The following CLDN10 variants were observed in gnomAD, a reference collection of about 807,000 sequenced individuals.
The protein encoded by CLDN10 is claudin 10, also known as claudin-10.
A neutral mutation model predicts 22.9 loss-of-function variants in CLDN10; 15 were observed. The observed-to-expected ratio is 0.65, with a 90% confidence interval of 0.44 to 1.01. CLDN10 has a LOEUF of 1.01. Ranked by LOEUF, CLDN10 falls within the 50% of genes least tolerant of loss-of-function variation. The pLI, the probability that CLDN10 is intolerant of heterozygous loss-of-function variation, is 0.00. For missense variants in CLDN10, 247 were observed against 287.8 expected (o/e 0.86, Z 1.03); for synonymous variants, 114 against 111.4 (o/e 1.02, Z -0.15).
At chr13:95,519,946 C>A (rs1401480145) in intron 1 of CLDN10, among the ~76,000 whole-genome samples, 1 of 152,212 alleles carries the variant, frequency 6.6e-6, no homozygotes, top group African/African-American at 2.4e-5. Context: ...GTATGAAAAT[C>A]TAAAGTGCAA....
chr13:95,468,857 T>C (rs1160591841), intron 1 of CLDN10, among the ~76,000 whole-genome samples: 1 of 152,210 alleles, frequency 6.6e-6, no homozygotes, highest in African/African-American at 2.4e-5. Flanking sequence ...ACATCATGTG[T>C]TCTTATTAAT....
intron 1 of CLDN10, among the ~76,000 whole-genome samples, chr13:95,536,666 C>T (rs1005368442): frequency 2.0e-5 from 3 of 152,144 alleles, no homozygotes; most frequent in Admixed American, 6.5e-5. Context: ...GCCATCTATG[C>T]GTTGCAGTTA....
chr13:95,548,012 G>T (rs1447292362), upstream of CLDN10, among the ~76,000 whole-genome samples: 1 of 152,204 alleles, frequency 6.6e-6, no homozygotes, highest in African/African-American at 2.4e-5. Context: ...TTTTGGAGTT[G>T]AAAGTGGTCT....
chr13:95,466,876 C>CTTTTTT (rs1312550565), intron 1 of CLDN10, among the ~76,000 whole-genome samples: 1 of 136,890 alleles, frequency 7.3e-6, no homozygotes. Context: ...ACCCCCTCTA[C>CTTTTTT]TTTTTTTTTT....
chr13:95,543,939 T>C (rs968730173), intron 1 of CLDN10, among the ~76,000 whole-genome samples: 89 of 152,246 alleles, frequency 5.8e-4, no homozygotes, highest in African/African-American at 2.0e-3. Context: ...GGATATGACA[T>C]TCCTTCTTCA....
At chr13:95,439,454 C>T (rs549844008) in intron 1 of CLDN10, among the ~76,000 whole-genome samples, 1 of 152,050 alleles carries the variant, frequency 6.6e-6, no homozygotes, top group South Asian at 2.1e-4. Flanking sequence ...CTGCTTCTGC[C>T]TCCCAAGTAG....
intron 1 of CLDN10, among the ~76,000 whole-genome samples, chr13:95,464,650 G>A (rs1594536880): frequency 6.6e-6 from 1 of 152,088 alleles, no homozygotes; most frequent in Admixed American, 6.6e-5. Flanking sequence ...TGATTTTTAT[G>A]GTCTTGGATG....
chr13:95,464,664 T>C (rs868757291), intron 1 of CLDN10, among the ~76,000 whole-genome samples: 27 of 152,170 alleles, frequency 1.8e-4, no homozygotes, highest in African/African-American at 6.3e-4. Context: ...TTGGATGTTG[T>C]TCATGATGAC....
chr13:95,549,584 T>C (rs2043543930), upstream of CLDN10, among the ~76,000 whole-genome samples: 1 of 152,246 alleles, frequency 6.6e-6, no homozygotes, highest in African/African-American at 2.4e-5. Context: ...TAAAAATGTT[T>C]GATTCATTAC....
intron 1 of CLDN10, among the ~76,000 whole-genome samples, chr13:95,464,284 G>A (rs1044046518): frequency 6.6e-6 from 1 of 151,784 alleles, no homozygotes; most frequent in Non-Finnish European, 1.5e-5. Context: ...CCCGGTGTGT[G>A]ATGCTCCCCT....
chr13:95,462,589 G>A (rs1432840685), intron 1 of CLDN10, among the ~76,000 whole-genome samples: 2 of 152,188 alleles, frequency 1.3e-5, no homozygotes, highest in Admixed American at 1.3e-4. Context: ...CTCAGATGCT[G>A]GAAGTGAGGA....
chr13:95,500,348 T>A (rs995939870), intron 1 of CLDN10, among the ~76,000 whole-genome samples: 2 of 152,196 alleles, frequency 1.3e-5, no homozygotes, highest in Admixed American at 6.5e-5. Flanking sequence ...CTATTTAGCC[T>A]GAGGCCTCAA....
chr13:95,579,668 AG>A lies in CLDN10; in HGVS notation c.*1655del, dbSNP rs1423319940. ...CTGAAGTGTGAAAGACTTAAAAAAAAGAATCACATTGTTCAGAGGTGCTCAA... is the reference window on the plus strand; with the variant it reads ...CTGAAGTGTGAAAGACTTAAAAAAAAAATCACATTGTTCAGAGGTGCTCAA... On this transcript the variant is annotated 3_prime_UTR_variant, in exon 5 of 5. Coordinates refer to ENST00000299339, the MANE Select transcript of CLDN10 (RefSeq NM_006984.5). The A allele has an allele frequency of 2.6e-5, 4 of 152,268 alleles. No individual in the cohort carries two copies. Among genetic ancestry groups the A allele is most frequent in the African/African-American group, 9.6e-5 (4 of 41,472 alleles). 9.4% of individuals were successfully genotyped at this position (152,268 alleles called of 1,614,324 possible).
chr13:95,528,688 G>A (rs1462721272), intron 1 of CLDN10: 8 of 152,204 alleles, frequency 5.3e-5, no homozygotes, highest in Admixed American at 5.2e-4. Context: ...GCCATATTGA[G>A]TAAAGCTAAG....
chr13:95,452,146 T>G (rs141430211), intron 1 of CLDN10, among the ~76,000 whole-genome samples: 4 of 152,284 alleles, frequency 2.6e-5, no homozygotes, highest in Non-Finnish European at 5.9e-5. Flanking sequence ...TCAATGGCAA[T>G]TTCCGAAACA....
intron 3 of CLDN10, among the ~76,000 whole-genome samples, chr13:95,571,083 A>T (rs891067002): frequency 6.6e-6 from 1 of 151,864 alleles, no homozygotes; most frequent in East Asian, 1.9e-4. Context: ...TTAGTTAATG[A>T]GCTAAATAAA....
In CLDN10 at chr13:95,466,818, T is replaced by C. The variant is rs1423902422; in HGVS notation, c.214+32771T>C. Among the ~76,000 whole-genome samples, 5 of 152,116 alleles carry C rather than the reference T, an allele frequency of 3.3e-5. No individual in the cohort carries two copies. The East Asian group carries it at 9.6e-4, about 29-fold the overall frequency. ...ATAATAATCCCCCATATTCTGATCT[T>C]GTATTCTTCAACAATTATCAACACA... On this transcript the variant is annotated intron_variant, in intron 1 of 4. Coordinates refer to the CLDN10 transcript ENST00000376873.
chr13:95,553,051 A>G lies in CLDN10; in HGVS notation c.220+78A>G, dbSNP rs527379951. ...CGCTAGGCGCCCTCTCGCCCCCAAT[A>G]CCCCCAGCGGGACCCCTAGACTGGA... On this transcript the variant is annotated intron_variant, in intron 1 of 4. Transcript: ENST00000299339. The G allele has an allele frequency of 2.8e-5, 44 of 1,544,130 alleles. No individual in the cohort carries two copies. The African/African-American group carries it at 5.3e-4, about 19-fold the overall frequency.
chr13:95,488,016 C>T (rs147002460), intron 1 of CLDN10, among the ~76,000 whole-genome samples: 2 of 150,738 alleles, frequency 1.3e-5, no homozygotes, highest in Admixed American at 6.6e-5. Context: ...GATGGAGTCT[C>T]GCTCTGTCAC....
Sources: gnomAD v4.1 joint callset for allele counts (sites outside exome capture counted in the v4.1 genomes callset) on GRCh38, gnomAD v4.1.1 for gene constraint, MANE v1.5 for transcripts, NCBI Gene and HGNC (gene_info 2026-07-23, HGNC 2026-07-21) for gene names.